The following SEMA3A variants were observed in gnomAD, a reference collection of about 807,000 sequenced individuals.
SEMA3A encodes semaphorin-3A.
A neutral mutation model predicts 97.9 loss-of-function variants in SEMA3A; 29 were observed. The ratio of observed to expected loss-of-function variants is 0.30; its 90% CI spans 0.22 to 0.40. The LOEUF (loss-of-function observed/expected upper bound fraction) is 0.40, where lower values mean the gene tolerates loss of function less well. SEMA3A is among the 10% of genes least tolerant of loss of function. The pLI, the probability that SEMA3A is intolerant of heterozygous loss-of-function variation, is 1.00. For missense variants in SEMA3A, 763 were observed against 951.3 expected, an observed-to-expected ratio of 0.80 and a Z score of 2.60; for synonymous variants, 321 against 323.7, an observed-to-expected ratio of 0.99 and a Z score of 0.09.
intron 6 of SEMA3A, among the ~76,000 whole-genome samples, chr7:84,021,900 G>A (rs1791342509): frequency 6.6e-6 from 1 of 152,148 alleles, no homozygotes; most frequent in Admixed American, 6.5e-5. Context: ...TTAAAGAAAT[G>A]CTTATACATG....
chr7:84,373,959 A>C (rs1204575977), intron 1 of SEMA3A, among the ~76,000 whole-genome samples: 1 of 152,190 alleles, frequency 6.6e-6, no homozygotes, highest in Non-Finnish European at 1.5e-5. Context: ...TTTAGGTGAC[A>C]AGAAGATTAG....
At chr7:84,390,742 C>G (rs958915608) in intron 1 of SEMA3A, among the ~76,000 whole-genome samples, 15 of 152,046 alleles carry the variant, frequency 9.9e-5, no homozygotes, top group East Asian at 3.9e-4. Context: ...CTTCCAGAGA[C>G]TCTTATTAAG....
intron 3 of SEMA3A, among the ~76,000 whole-genome samples, chr7:84,304,222 C>T (rs1801098320): frequency 6.6e-6 from 1 of 152,042 alleles, no homozygotes; most frequent in African/African-American, 2.4e-5. Context: ...AGATTCATAA[C>T]ATGAAGTTTT....
intron 6 of SEMA3A, among the ~76,000 whole-genome samples, chr7:84,017,733 C>T (rs1280992781): frequency 5.3e-5 from 8 of 152,152 alleles, no homozygotes; most frequent in Non-Finnish European, 1.2e-4. Flanking sequence ...CCTTCCCCTT[C>T]CTTTTTATGT....
At chr7:84,487,289 G>GA (rs1411158512) in intron 1 of SEMA3A, among the ~76,000 whole-genome samples, 3 of 152,088 alleles carry the variant, frequency 2.0e-5, no homozygotes, top group African/African-American at 7.2e-5. Flanking sequence ...CATGCAAAGG[G>GA]AAGACTGTGA....
chr7:84,296,867 T>C (rs1459615796), intron 3 of SEMA3A, among the ~76,000 whole-genome samples: 1 of 152,224 alleles, frequency 6.6e-6, no homozygotes, highest in East Asian at 1.9e-4. Flanking sequence ...TGTCACACAT[T>C]GATGAAATGA....
At chr7:84,091,277 AAAGAAAGAAAG>A (rs1794591835) in intron 4 of SEMA3A, among the ~76,000 whole-genome samples, 1 of 129,874 alleles carries the variant, frequency 7.7e-6, no homozygotes, top group Non-Finnish European at 1.7e-5. Flanking sequence ...AAAAGAAAGA[AAAGAAAGAAAG>A]AAAGAAAAAG....
chr7:84,433,395 A>C (rs1403064469), intron 1 of SEMA3A, among the ~76,000 whole-genome samples: 1 of 152,036 alleles, frequency 6.6e-6, no homozygotes, highest in African/African-American at 2.4e-5. Flanking sequence ...GTCCCTGCAA[A>C]AGACATGAAC....
chr7:84,029,863 A>G (rs1215311252), intron 6 of SEMA3A, among the ~76,000 whole-genome samples: 3 of 151,946 alleles, frequency 2.0e-5, no homozygotes, highest in African/African-American at 7.2e-5. Context: ...TAATTTGGAT[A>G]TTGACTTTGA....
At position 84,429,516 on chromosome 7, in the gene SEMA3A, T is replaced by TTTTATACA. The variant is rs1554385260; in HGVS notation, c.-245-57617_-245-57616insTGTATAAA. On this transcript the variant is annotated intron_variant, in intron 1 of 3. Transcript: ENST00000424555. The stretch of plus-strand genomic sequence containing the variant: ...TTGCATTAGTAAAATATAGAGTTTG[T>TTTTATACA]TATATATATATATATATATATATAT... Among the ~76,000 whole-genome samples the TTTTATACA allele has an allele frequency of 5.7e-4, 41 of 72,420 alleles. 1 individual carries two copies. Among genetic ancestry groups the TTTTATACA allele is most frequent in the Admixed American group, 4.0e-4 (2 of 5,030 alleles). 47.5% of individuals were successfully genotyped at this position (72,420 alleles called of 152,430 possible). A position where few individuals can be genotyped will look rare whatever the true frequency, so the allele number is the denominator to read the frequency against.
chr7:84,384,566 G>C (rs1292940785), intron 1 of SEMA3A, among the ~76,000 whole-genome samples: 1 of 152,060 alleles, frequency 6.6e-6, no homozygotes, highest in Non-Finnish European at 1.5e-5. Flanking sequence ...CAAGTGCACT[G>C]TACACTGTGG....
chr7:83,968,805 T>C (rs76840275), intron 15 of SEMA3A, among the ~76,000 whole-genome samples: 1 of 50,940 alleles, frequency 2.0e-5, no homozygotes, highest in Non-Finnish European at 3.9e-5. Flanking sequence ...TTTTCTTTCC[T>C]TTTTTTTTTT....
chr7:84,056,071 A>C (rs1792961738), intron 5 of SEMA3A, among the ~76,000 whole-genome samples: 1 of 152,228 alleles, frequency 6.6e-6, no homozygotes, highest in Non-Finnish European at 1.5e-5. Flanking sequence ...AAAATAATAT[A>C]TTGAACTAAG....
At chr7:84,109,411 TGTCTTCCCTGGTTCATCAA>T (rs1795213601) in intron 4 of SEMA3A, among the ~76,000 whole-genome samples, 1 of 152,192 alleles carries the variant, frequency 6.6e-6, no homozygotes, top group South Asian at 2.1e-4. Flanking sequence ...CTTGGGAATG[TGTCTTCCCTGGTTCATCAA>T]GAAGAAAAAA....
At chr7:84,216,504 T>C (rs974670069) in intron 3 of SEMA3A, among the ~76,000 whole-genome samples, 3 of 152,266 alleles carry the variant, frequency 2.0e-5, no homozygotes, top group Non-Finnish European at 2.9e-5. Context: ...TTTTCAAACC[T>C]GATCCTTTCT....
intron 1 of SEMA3A, among the ~76,000 whole-genome samples, chr7:84,459,203 T>C (rs1805761844): frequency 6.6e-6 from 1 of 152,226 alleles, no homozygotes; most frequent in Non-Finnish European, 1.5e-5. Context: ...AAAGCCCATG[T>C]AAGATGATAA....
At chr7:84,487,401 T>C (rs920286159) in intron 1 of SEMA3A, among the ~76,000 whole-genome samples, 3 of 152,072 alleles carry the variant, frequency 2.0e-5, no homozygotes, top group African/African-American at 7.2e-5. Context: ...TGGGTAGAAG[T>C]GTCCGCCAGC....
intron 15 of SEMA3A, among the ~76,000 whole-genome samples, chr7:83,968,737 T>C (rs1198952066): frequency 6.6e-6 from 1 of 151,960 alleles, no homozygotes; most frequent in African/African-American, 2.4e-5. Flanking sequence ...ATAGGTCATT[T>C]AGCAAATTTT....
chr7:84,236,028 C>T (rs898421562), intron 3 of SEMA3A, among the ~76,000 whole-genome samples: 6 of 152,130 alleles, frequency 3.9e-5, no homozygotes, highest in Non-Finnish European at 2.9e-5. Context: ...ATCAAAGGCA[C>T]ATGCCTAATT....
Sources: gnomAD v4.1 joint callset for allele counts (sites outside exome capture counted in the v4.1 genomes callset) on GRCh38, gnomAD v4.1.1 for gene constraint, MANE v1.5 for transcripts, NCBI Gene and HGNC (gene_info 2026-07-23, HGNC 2026-07-21) for gene names.